The following RAD51B variants were observed in gnomAD, a reference collection of about 807,000 sequenced individuals.
The protein encoded by RAD51B is DNA repair protein RAD51 homolog 2.
In RAD51B, 38 loss-of-function variants were observed where a neutral mutation model predicts 42.2. The observed-to-expected ratio is 0.90, with a 90% CI of 0.70 to 1.18. The LOEUF is 1.18. RAD51B is among the 50% of genes most tolerant of loss of function. The pLI is 0.00. For synonymous variants in RAD51B, 154 were observed against 145.2 expected (o/e 1.06, Z -0.43); for missense variants, 373 against 400.7 (o/e 0.93, Z 0.59).
At chr14:68,205,949 T>C (rs1450011215) in intron 7 of RAD51B, among the ~76,000 whole-genome samples, 1 of 152,200 alleles carries the variant, frequency 6.6e-6, no homozygotes, top group Non-Finnish European at 1.5e-5. Context: ...ATGCCAGTTT[T>C]GTCAGTTGGC....
At chr14:68,102,807 T>G (rs985036535) in intron 7 of RAD51B, among the ~76,000 whole-genome samples, 2 of 152,168 alleles carry the variant, frequency 1.3e-5, no homozygotes, top group Non-Finnish European at 2.9e-5. Context: ...ACCAGTTTAC[T>G]ATATTAGTCT....
At position 68,167,643 on chromosome 14, in the gene RAD51B, CAGATTA is replaced by C. The variant is rs747189874; in HGVS notation, c.757-124235_757-124230del. Reference sequence around the variant, plus strand: ...CATGGAAATGGCTTTTTAAAGTACTCAGATTAAGATTTGATGGGTAGACGAGGTCTT... The same window carrying C: ...CATGGAAATGGCTTTTTAAAGTACTCAGATTTGATGGGTAGACGAGGTCTT... On this transcript the variant is annotated intron_variant, in intron 7 of 10. Coordinates refer to ENST00000471583, the MANE Select transcript of RAD51B (RefSeq NM_133510.4). Among the ~76,000 whole-genome samples, 132 of 152,094 alleles carry C rather than the reference CAGATTA, an allele frequency of 8.7e-4. 1 individual carries two copies. Among genetic ancestry groups the C allele is most frequent in the Non-Finnish European group, 1.0e-3 (69 of 67,986 alleles).
At chr14:68,473,710 G>C (rs955751774) in intron 10 of RAD51B, among the ~76,000 whole-genome samples, 1 of 152,004 alleles carries the variant, frequency 6.6e-6, no homozygotes, top group African/African-American at 2.4e-5. Flanking sequence ...ATTTGTTTCA[G>C]ATTTTTTTTT....
rs1202620838 is a variant in RAD51B at position 67,835,181 on chromosome 14, T to C, written c.300T>C (p.Cys100=). 1.2e-6 allele frequency: 2 copies of C among 1,613,338 alleles called. No individual in the cohort carries two copies. The highest frequency in any genetic ancestry group is 1.1e-5 in the South Asian group (1 of 91,070). ...LDEALHGGVA[C]GSLTEITGPP... is the part of the protein sequence containing the mutation. ...AAGCCCTGCATGGTGGTGTGGCTTG[T>C]GGATCCCTCACAGAGGTAAAGGAAA... Residue 100 remains cysteine, a synonymous_variant, in exon 4 of 11, where the codon TGT becomes TGC. Coordinates refer to ENST00000471583, the MANE Select transcript of RAD51B (RefSeq NM_133510.4).
At chr14:67,827,104 T>C (rs1443932936) in intron 3 of RAD51B, among the ~76,000 whole-genome samples, 2 of 152,250 alleles carry the variant, frequency 1.3e-5, no homozygotes, top group East Asian at 3.8e-4. Context: ...AGCTTTATCA[T>C]TGATTTCATT....
chr14:68,029,572 C>G (rs984217732), intron 7 of RAD51B, among the ~76,000 whole-genome samples: 10 of 152,226 alleles, frequency 6.6e-5, no homozygotes, highest in African/African-American at 2.2e-4. Context: ...GGCTCTACTT[C>G]TCATTCTAGT....
intron 10 of RAD51B, among the ~76,000 whole-genome samples, chr14:68,586,178 C>T (rs1890464387): frequency 6.6e-6 from 1 of 152,116 alleles, no homozygotes; most frequent in Non-Finnish European, 1.5e-5. Context: ...TGCGATAGTC[C>T]TGTTCCGAGG....
chr14:67,896,217 A>G (rs1397055763), intron 7 of RAD51B, among the ~76,000 whole-genome samples: 3 of 152,216 alleles, frequency 2.0e-5, no homozygotes, highest in South Asian at 2.1e-4. Context: ...TTTGAAATGC[A>G]TGTCTAATTA....
intron 5 of RAD51B, among the ~76,000 whole-genome samples, chr14:67,867,797 A>C (rs895772135): frequency 6.6e-6 from 1 of 152,220 alleles, no homozygotes; most frequent in Non-Finnish European, 1.5e-5. Context: ...GGGAAATATG[A>C]GACGCAAAAA....
intron 5 of RAD51B, among the ~76,000 whole-genome samples, chr14:67,867,069 G>A (rs2042353942): frequency 6.6e-6 from 1 of 152,174 alleles, no homozygotes. Context: ...TCTGGTGATA[G>A]GGCCAAGTAG....
chr14:68,563,621 G>A, intron 10 of RAD51B: 1 of 985,470 alleles, frequency 1.0e-6, no homozygotes. Context: ...TGCAAGGGGT[G>A]AGATTTGGCT....
chr14:68,140,530 G>C (rs188372301), intron 7 of RAD51B, among the ~76,000 whole-genome samples: 94 of 152,278 alleles, frequency 6.2e-4, no homozygotes, highest in Middle Eastern at 3.4e-3. Flanking sequence ...ACAGGCCAGG[G>C]CTTGCCAGCC....
At chr14:68,246,906 C>T (rs144249061) in intron 7 of RAD51B, among the ~76,000 whole-genome samples, 1 of 152,280 alleles carries the variant, frequency 6.6e-6, no homozygotes, top group African/African-American at 2.4e-5. Flanking sequence ...GGTTTCTGAG[C>T]AGCTCTAAGT....
chr14:68,595,708 A>G (rs779184604), exon 11 of RAD51B: 2 of 796,192 alleles, frequency 2.5e-6, no homozygotes, highest in Non-Finnish European at 3.2e-6. Flanking sequence ...CATCTATACG[A>G]TGGAATACTA....
chr14:68,224,660 T>C (rs1341684680), intron 7 of RAD51B, among the ~76,000 whole-genome samples: 1 of 152,154 alleles, frequency 6.6e-6, no homozygotes, highest in Non-Finnish European at 1.5e-5. Context: ...AGTAGTTTTA[T>C]TTTTTATGCA....
At chr14:68,358,627 C>G (rs2082956334) in intron 8 of RAD51B, among the ~76,000 whole-genome samples, 2 of 152,082 alleles carry the variant, frequency 1.3e-5, no homozygotes, top group African/African-American at 4.8e-5. Flanking sequence ...GATGAAGCAT[C>G]TTTTTGTATG....
intron 7 of RAD51B, among the ~76,000 whole-genome samples, chr14:68,118,771 C>A (rs1172834827): frequency 1.3e-5 from 2 of 151,850 alleles, no homozygotes; most frequent in Non-Finnish European, 2.9e-5. Flanking sequence ...TATAATAGCT[C>A]GTGTGTGTGT....
chr14:68,592,173 G>T (rs947276615), intron 10 of RAD51B, among the ~76,000 whole-genome samples: 2 of 152,074 alleles, frequency 1.3e-5, no homozygotes, highest in African/African-American at 2.4e-5. Flanking sequence ...CGCAGCTAGG[G>T]CTGATGGGGA....
chr14:68,505,806 G>C (rs947737124), intron 10 of RAD51B, among the ~76,000 whole-genome samples: 4 of 152,138 alleles, frequency 2.6e-5, no homozygotes, highest in African/African-American at 9.7e-5. Flanking sequence ...GCCCGCCTCG[G>C]CCTCCCAAAG....
Sources: gnomAD v4.1 joint callset for allele counts (sites outside exome capture counted in the v4.1 genomes callset) on GRCh38, gnomAD v4.1.1 for gene constraint, MANE v1.5 for transcripts, NCBI Gene and HGNC (gene_info 2026-07-23, HGNC 2026-07-21) for gene names.